The following SNRPN variants were observed in gnomAD, a reference collection of about 807,000 sequenced individuals.
SNRPN encodes the protein small nuclear ribonucleoprotein polypeptide N.
SNRPN carries 7 observed loss-of-function variants against 25.2 expected under a neutral mutation model. That is an observed-to-expected ratio of 0.28 (90% CI 0.16 to 0.52). SNRPN has a LOEUF of 0.52. Ranked by LOEUF, SNRPN falls within the 20% of genes least tolerant of loss-of-function variation. The probability of loss-of-function intolerance (pLI) is 0.96; values close to 1 mark genes in which losing one functional copy is unlikely to be tolerated. For synonymous variants in SNRPN, 124 were observed against 110.6 expected (o/e 1.12, Z -0.76); for missense variants, 196 against 322.5 (o/e 0.61, Z 3.00).
chr15:24,923,950 A>G (rs1279620515), intron 3 of SNRPN, among the ~76,000 whole-genome samples: 4 of 62,946 alleles, frequency 6.4e-5, no homozygotes, highest in African/African-American at 1.3e-4. Flanking sequence ...TTTTTTTTTG[A>G]GATGGAGTCT....
chr15:24,834,739 CTCTCTCTCTCTCTATA>C (rs2141999516), intron 2 of SNRPN, among the ~76,000 whole-genome samples: 1 of 74,574 alleles, frequency 1.3e-5, no homozygotes, highest in South Asian at 4.3e-4. Context: ...CTCTCTCTCT[CTCTCTCTCTCTCTATA>C]TATATATATA....
At chr15:24,941,800 A>G (rs1045019369) in intron 3 of SNRPN, among the ~76,000 whole-genome samples, 4 of 150,772 alleles carry the variant, frequency 2.7e-5, no homozygotes, top group African/African-American at 7.3e-5. Context: ...TATTTTTTAG[A>G]CAGAGTCTCA....
At chr15:24,921,803 G>A (rs187605014) in intron 3 of SNRPN, among the ~76,000 whole-genome samples, 58 of 152,230 alleles carry the variant, frequency 3.8e-4, no homozygotes, top group Admixed American at 3.8e-3. Flanking sequence ...TACAGCAGAG[G>A]ATGTAAGTTA....
rs894687043 is a variant in SNRPN at position 24,872,392 on chromosome 15, C to A, written c.-578-14124C>A. 1.4e-4 allele frequency among the ~76,000 whole-genome samples: 17 copies of A among 119,348 alleles called. 5 individuals are homozygous for A. Among genetic ancestry groups the A allele is most frequent in the Middle Eastern group, 4.6e-3 (1 of 216 alleles). The allele number at this position is 119,348 out of a possible 152,430, so 78.3% of individuals were successfully genotyped here. ...ATTTTGGCCAGGCTGGTCTCAAACT[C>A]CTGACCTCAGATGATCCACCCACCT... On this transcript the variant is annotated intron_variant, in intron 1 of 11. Transcript: ENST00000400097.
At chr15:24,973,812 T>C (rs1453030987) in intron 3 of SNRPN, among the ~76,000 whole-genome samples, 1 of 152,226 alleles carries the variant, frequency 6.6e-6, no homozygotes, top group Non-Finnish European at 1.5e-5. Context: ...TGGGAAGTCT[T>C]AGGCAGGTTT....
intron 2 of SNRPN, among the ~76,000 whole-genome samples, chr15:24,837,323 C>G (rs892188762): frequency 6.6e-6 from 1 of 151,756 alleles, no homozygotes; most frequent in Non-Finnish European, 1.5e-5. Context: ...ATGGAAAAAT[C>G]CCGTGGAAAA....
At chr15:24,973,130 C>T (rs2076639988) in intron 3 of SNRPN, among the ~76,000 whole-genome samples, 1 of 152,048 alleles carries the variant, frequency 6.6e-6, no homozygotes, top group Non-Finnish European at 1.5e-5. Context: ...CTCAGGTGAT[C>T]CGCCCACCTC....
At chr15:24,961,184 T>TAGAAA (rs1298319676) in intron 1 of SNRPN, among the ~76,000 whole-genome samples, 1 of 152,228 alleles carries the variant, frequency 6.6e-6, no homozygotes, top group Non-Finnish European at 1.5e-5. Flanking sequence ...GTATAAAATT[T>TAGAAA]TACCATTTAG....
intron 3 of SNRPN, among the ~76,000 whole-genome samples, chr15:24,925,493 T>G (rs897242007): frequency 2.0e-5 from 3 of 152,026 alleles, no homozygotes; most frequent in Admixed American, 2.0e-4. Context: ...CCCCAACACT[T>G]CCCTGGCTCC....
intron 2 of SNRPN, among the ~76,000 whole-genome samples, chr15:24,901,899 T>G (rs2058483538): frequency 6.6e-6 from 1 of 152,224 alleles, no homozygotes; most frequent in African/African-American, 2.4e-5. Context: ...CAGAATGATC[T>G]GTTCATAGAG....
At chr15:24,869,616 G>A (rs1047283211) in intron 1 of SNRPN, among the ~76,000 whole-genome samples, 75 of 152,094 alleles carry the variant, frequency 4.9e-4, no homozygotes, top group Admixed American at 2.2e-3. Context: ...TTGGGTTTGG[G>A]GAAGGAAGAT....
chr15:24,848,269 G>GCGGCGGGGGCGGGGGCGGC, intron 2 of SNRPN: 1 of 149,752 alleles, frequency 6.7e-6, no homozygotes, highest in Non-Finnish European at 1.5e-5. Flanking sequence ...GGCGGGGGCG[G>GCGGCGGGGGCGGGGGCGGC]GGGCAGATCC....
intron 1 of SNRPN, among the ~76,000 whole-genome samples, chr15:24,959,583 A>T (rs2074432376): frequency 6.6e-6 from 1 of 152,178 alleles, no homozygotes; most frequent in Non-Finnish European, 1.5e-5. Flanking sequence ...TTTTGGTAAG[A>T]CAGTGTTTGC....
At chr15:24,855,485 C>T (rs79120313), upstream of SNRPN, among the ~76,000 whole-genome samples, 1,804 of 152,040 alleles carry the variant, frequency 0.012, 16 homozygotes, top group African/African-American at 0.026. Context: ...ATTCTAGGAC[C>T]GGATTAAGAA....
chr15:24,976,503 C>T, intron 6 of SNRPN, 87 bp downstream of exon 6: 2 of 909,216 alleles, frequency 2.2e-6, no homozygotes, highest in Admixed American at 2.4e-5. Flanking sequence ...AGAGCAGACA[C>T]AGTTCAACAT....
Position 24,976,995 on chromosome 15 carries a change from G to T in SNRPN, c.386G>T (p.Gly129Val). ...CCCCAGGCCCCTGCTGGATTGGCAG[G>T]CCCTGTCCGAGGAGTTGGGGGACCA... ...PIPQAPAGLA[G>V]PVRGVGGPSQ... Residue 129 changes from glycine (G) to valine (V), a missense_variant, in exon 7 of 10, where the codon GGC (glycine) becomes GTC (valine). Coordinates refer to ENST00000390687, the MANE Select transcript of SNRPN (RefSeq NM_003097.6). 6.3e-7 allele frequency: 1 copy of T among 1,597,086 alleles called. No homozygotes were observed. The highest frequency in any genetic ancestry group is 8.5e-7 in the Non-Finnish European group (1 of 1,172,516).
intron 2 of SNRPN, among the ~76,000 whole-genome samples, chr15:24,887,149 T>C (rs967490034): frequency 1.3e-5 from 2 of 149,218 alleles, no homozygotes; most frequent in Non-Finnish European, 3.0e-5. Flanking sequence ...CTGAGGTCTT[T>C]TTTTTTTTTT....
chr15:24,924,643 C>T (rs1209336994), intron 3 of SNRPN, among the ~76,000 whole-genome samples: 4 of 151,508 alleles, frequency 2.6e-5, no homozygotes, highest in Non-Finnish European at 5.9e-5. Context: ...CCATCATGCC[C>T]GGCTACTTTT....
At chr15:24,878,060 C>G (rs2056157467) in intron 1 of SNRPN, among the ~76,000 whole-genome samples, 1 of 152,218 alleles carries the variant, frequency 6.6e-6, no homozygotes, top group African/African-American at 2.4e-5. Context: ...TGACTCTTAA[C>G]TGTGACACAT....
Sources: gnomAD v4.1 joint callset for allele counts (sites outside exome capture counted in the v4.1 genomes callset) on GRCh38, gnomAD v4.1.1 for gene constraint, MANE v1.5 for transcripts, NCBI Gene and HGNC (gene_info 2026-07-23, HGNC 2026-07-21) for gene names.